PPP1R9A: variants seen among roughly 807,000 people sequenced by gnomAD.
PPP1R9A encodes the protein neurabin-1.
In PPP1R9A, 59 loss-of-function variants were observed where a neutral mutation model predicts 141.9. That is an observed-to-expected ratio of 0.42 (90% CI 0.34 to 0.52). PPP1R9A has a LOEUF of 0.52. Ranked by LOEUF, PPP1R9A falls within the 20% of genes least tolerant of loss-of-function variation. PPP1R9A has a pLI of 0.10. For missense variants in PPP1R9A, 1,444 were observed against 1,611.9 expected, an observed-to-expected ratio of 0.90 and a Z score of 1.78; for synonymous variants, 500 against 569.7, an observed-to-expected ratio of 0.88 and a Z score of 1.74.
At chr7:95,108,084 G>A (rs370459251) in intron 2 of PPP1R9A, among the ~76,000 whole-genome samples, 5 of 151,932 alleles carry the variant, frequency 3.3e-5, no homozygotes, top group East Asian at 1.9e-4. Flanking sequence ...TCGCTTTACT[G>A]AACTCTTATT....
At chr7:94,965,168 G>T (rs565265337) in intron 2 of PPP1R9A, among the ~76,000 whole-genome samples, 32 of 149,754 alleles carry the variant, frequency 2.1e-4, no homozygotes, top group African/African-American at 7.8e-4. Context: ...GGGGTTGTTT[G>T]TTTTTTTTTC....
intron 4 of PPP1R9A, among the ~76,000 whole-genome samples, chr7:95,146,164 G>T (rs2152611326): frequency 6.6e-6 from 1 of 152,286 alleles, no homozygotes; most frequent in Non-Finnish European, 1.5e-5. Context: ...AGCATCTGTT[G>T]TTTCCCGACT....
intron 8 of PPP1R9A, among the ~76,000 whole-genome samples, chr7:95,238,208 G>T (rs931606477): frequency 6.6e-6 from 1 of 152,064 alleles, no homozygotes; most frequent in African/African-American, 2.4e-5. Context: ...AAAATAATTA[G>T]TTCCAGCTCA....
intron 3 of PPP1R9A, among the ~76,000 whole-genome samples, chr7:95,115,338 A>G (rs973621731): frequency 2.0e-5 from 3 of 152,298 alleles, no homozygotes; most frequent in African/African-American, 7.2e-5. Flanking sequence ...CAACTTTAGT[A>G]AAATAGACTA....
chr7:95,112,394 T>A (rs1820724050), intron 3 of PPP1R9A, among the ~76,000 whole-genome samples: 1 of 152,084 alleles, frequency 6.6e-6, no homozygotes, highest in East Asian at 1.9e-4. Flanking sequence ...CAGCTATTAT[T>A]AATAAGTCAA....
At chr7:95,228,157 C>T (rs979495883) in intron 8 of PPP1R9A, among the ~76,000 whole-genome samples, 1 of 152,068 alleles carries the variant, frequency 6.6e-6, no homozygotes. Flanking sequence ...TTATTTTAAG[C>T]AAAAGTATGT....
At chr7:94,907,537 C>T (rs1790884165), upstream of PPP1R9A, 2 of 152,272 alleles carry the variant, frequency 1.3e-5, no homozygotes, top group East Asian at 3.9e-4. Flanking sequence ...TTGCCCCAGG[C>T]CGGAGAGGCC....
At chr7:95,041,717 C>T (rs1455360484) in intron 2 of PPP1R9A, among the ~76,000 whole-genome samples, 1 of 151,954 alleles carries the variant, frequency 6.6e-6, no homozygotes, top group East Asian at 1.9e-4. Context: ...TTGACATGTC[C>T]TTAAGGAGTA....
intron 4 of PPP1R9A, among the ~76,000 whole-genome samples, chr7:95,132,100 T>C (rs898987411): frequency 2.6e-5 from 4 of 152,188 alleles, no homozygotes; most frequent in Non-Finnish European, 5.9e-5. Context: ...GTGGAGTCTT[T>C]AGGGCTTTCT....
intron 2 of PPP1R9A, among the ~76,000 whole-genome samples, chr7:94,939,314 T>C (rs559632497): frequency 6.6e-6 from 1 of 152,270 alleles, no homozygotes; most frequent in African/African-American, 2.4e-5. Flanking sequence ...GATACCTATA[T>C]TGTTGATAGA....
chr7:95,207,014 T>C (rs1387969992), intron 7 of PPP1R9A, among the ~76,000 whole-genome samples: 1 of 151,976 alleles, frequency 6.6e-6, no homozygotes, highest in Non-Finnish European at 1.5e-5. Context: ...AAATTTTTTC[T>C]AACAAATTAT....
chr7:95,006,939 C>T (rs1230321987), intron 2 of PPP1R9A, among the ~76,000 whole-genome samples: 2 of 151,418 alleles, frequency 1.3e-5, no homozygotes, highest in African/African-American at 4.9e-5. Flanking sequence ...CTTGGCTCAT[C>T]GCAACCTCCA....
chr7:95,164,771 C>G (rs879049500), intron 5 of PPP1R9A, among the ~76,000 whole-genome samples: 1 of 109,210 alleles, frequency 9.2e-6, no homozygotes, highest in Non-Finnish European at 1.9e-5. Flanking sequence ...TCAGGCATGG[C>G]CTATTTTAAC....
intron 8 of PPP1R9A, among the ~76,000 whole-genome samples, chr7:95,240,354 T>A (rs1201807163): frequency 6.6e-6 from 1 of 152,086 alleles, no homozygotes; most frequent in Non-Finnish European, 1.5e-5. Context: ...CTTTCATTGC[T>A]CTGTTTTTGT....
At chr7:95,127,137 C>T (rs1475463309) in intron 4 of PPP1R9A, among the ~76,000 whole-genome samples, 1 of 152,158 alleles carries the variant, frequency 6.6e-6, no homozygotes, top group African/African-American at 2.4e-5. Flanking sequence ...TCCTCCCTCC[C>T]TCTCTCACTC....
At chr7:95,059,876 C>T (rs17166613) in intron 2 of PPP1R9A, among the ~76,000 whole-genome samples, 6,237 of 152,126 alleles carry the variant, frequency 0.041, 374 homozygotes, top group African/African-American at 0.13. Flanking sequence ...CTTTTGCTTT[C>T]GTTTTGCAAG....
intron 16 of PPP1R9A, among the ~76,000 whole-genome samples, chr7:95,279,993 G>T (rs551014939): frequency 1.7e-4 from 26 of 152,254 alleles, no homozygotes; most frequent in Admixed American, 4.6e-4. Context: ...GAACACTACA[G>T]TGACCATCTC....
chr7:95,100,369 T>A (rs1007556394), intron 2 of PPP1R9A, among the ~76,000 whole-genome samples: 11 of 152,226 alleles, frequency 7.2e-5, no homozygotes, highest in African/African-American at 2.7e-4. Flanking sequence ...CATGGACTTT[T>A]GTATATGTTT....
intron 2 of PPP1R9A, among the ~76,000 whole-genome samples, chr7:94,965,464 A>T (rs567200402): frequency 1.3e-5 from 2 of 152,236 alleles, no homozygotes; most frequent in East Asian, 3.9e-4. Flanking sequence ...TCTTATGTTT[A>T]AGTCTGTAAT....
Sources: allele counts gnomAD v4.1 joint callset (sites outside exome capture counted in the v4.1 genomes callset), GRCh38; gene constraint gnomAD v4.1.1; transcripts MANE v1.5; gene names NCBI Gene and HGNC (gene_info 2026-07-23, HGNC 2026-07-21).